Variants in ST6GALNAC5 observed in about 807,000 individuals in gnomAD.
ST6GALNAC5 encodes the protein ST6 N-acetylgalactosaminide alpha-2,6-sialyltransferase 5, also known as alpha-N-acetylgalactosaminide alpha-2,6-sialyltransferase 5.
ST6GALNAC5 carries 27 observed loss-of-function variants against 33.6 expected under a neutral mutation model. The ratio of observed to expected loss-of-function variants is 0.80; its 90% CI spans 0.59 to 1.11. The LOEUF (loss-of-function observed/expected upper bound fraction) is 1.11, where lower values mean the gene tolerates loss of function less well. Among genes scored for constraint, ST6GALNAC5 ranks in the 50% least tolerant of loss-of-function variants. The pLI, the probability that ST6GALNAC5 is intolerant of heterozygous loss-of-function variation, is 0.00. For missense variants in ST6GALNAC5, 428 were observed against 454.0 expected, an observed-to-expected ratio of 0.94 and a Z score of 0.52; for synonymous variants, 194 against 171.2, an observed-to-expected ratio of 1.13 and a Z score of -1.04.
intron 2 of ST6GALNAC5, among the ~76,000 whole-genome samples, chr1:76,899,405 G>A (rs1646793115): frequency 6.6e-6 from 1 of 152,024 alleles, no homozygotes; most frequent in Admixed American, 6.6e-5. Context: ...AAGAGGTCAG[G>A]GCATGGAAAT....
Position 77,037,507 on chromosome 1 carries a change from C to A in ST6GALNAC5, c.262-6697C>A, listed in dbSNP as rs12046470. On this transcript the variant is annotated intron_variant, in intron 2 of 4. Transcript: ENST00000477717. Reference sequence around the variant, plus strand: ...TCAAAACTCAGTATCACACATTATACCCATGTAACAAATCTGCATGTGTAC... The same window carrying A: ...TCAAAACTCAGTATCACACATTATAACCATGTAACAAATCTGCATGTGTAC... Among the ~76,000 whole-genome samples the A allele has an allele frequency of 4.4e-4, 67 of 152,092 alleles. 1 individual carries two copies. The East Asian group carries it at 0.012, about 26-fold the overall frequency.
intron 2 of ST6GALNAC5, among the ~76,000 whole-genome samples, chr1:77,030,508 T>C (rs1036414858): frequency 8.5e-5 from 13 of 152,206 alleles, no homozygotes; most frequent in Admixed American, 7.2e-4. Flanking sequence ...GTTTTTATTG[T>C]CGTCGTCAAT....
chr1:76,904,748 C>G (rs1646849558), intron 2 of ST6GALNAC5, among the ~76,000 whole-genome samples: 2 of 151,966 alleles, frequency 1.3e-5, no homozygotes, highest in South Asian at 4.2e-4. Flanking sequence ...TCACTTGAAC[C>G]TGGGAGGCAG....
intron 3 of ST6GALNAC5, among the ~76,000 whole-genome samples, chr1:77,047,139 A>G (rs1407247812): frequency 5.9e-5 from 9 of 152,162 alleles, no homozygotes; most frequent in Non-Finnish European, 1.2e-4. Context: ...GTCCCTACTC[A>G]GGGGAATCAC....
chr1:76,889,253 C>T (rs1653963900), intron 2 of ST6GALNAC5, among the ~76,000 whole-genome samples: 1 of 152,006 alleles, frequency 6.6e-6, no homozygotes, highest in Non-Finnish European at 1.5e-5. Context: ...TAGTCTTCTT[C>T]TATTAAGCCT....
chr1:76,915,993 T>C (rs1404855597), intron 2 of ST6GALNAC5, among the ~76,000 whole-genome samples: 1 of 151,680 alleles, frequency 6.6e-6, no homozygotes, highest in African/African-American at 2.4e-5. Context: ...AAGGTAACAG[T>C]GATCTGGCCA....
chr1:76,956,295 A>T (rs1038882582), intron 2 of ST6GALNAC5, among the ~76,000 whole-genome samples: 2 of 152,062 alleles, frequency 1.3e-5, no homozygotes, highest in Non-Finnish European at 2.9e-5. Flanking sequence ...AAAAGAAAAG[A>T]AAGCATAGGT....
intron 2 of ST6GALNAC5, among the ~76,000 whole-genome samples, chr1:76,921,730 T>G (rs182291845): frequency 1.6e-4 from 25 of 152,218 alleles, no homozygotes; most frequent in African/African-American, 5.8e-4. Flanking sequence ...TGAAAGTCAA[T>G]AAATCATTAA....
rs572707678 is a variant in ST6GALNAC5 at position 76,922,802 on chromosome 1, G to C, written c.261+54060G>C. 9.2e-5 allele frequency among the ~76,000 whole-genome samples: 14 copies of C among 152,108 alleles called. No individual in the cohort carries two copies. In the South Asian group the frequency reaches 2.5e-3, roughly 27 times the overall value. On this transcript the variant is annotated intron_variant, in intron 2 of 4. Transcript: ENST00000477717. ...AATACAAAAATGAGCTGGGTATGGTGACACGCACCTGTGGTCCCAGCTACT... is the reference window on the plus strand; with the variant it reads ...AATACAAAAATGAGCTGGGTATGGTCACACGCACCTGTGGTCCCAGCTACT...
At chr1:77,051,909 T>C (rs1052479421) in intron 4 of ST6GALNAC5, among the ~76,000 whole-genome samples, 1 of 152,166 alleles carries the variant, frequency 6.6e-6, no homozygotes, top group African/African-American at 2.4e-5. Flanking sequence ...AATTGAAATG[T>C]TAATGACTTC....
At chr1:76,978,467 TCA>T (rs1189822256) in intron 2 of ST6GALNAC5, among the ~76,000 whole-genome samples, 1 of 152,200 alleles carries the variant, frequency 6.6e-6, no homozygotes, top group African/African-American at 2.4e-5. Flanking sequence ...CAAGGATGGT[TCA>T]ATATATGGAA....
chr1:77,000,280 A>G (rs1449602838), intron 2 of ST6GALNAC5, among the ~76,000 whole-genome samples: 2 of 119,318 alleles, frequency 1.7e-5, no homozygotes, highest in African/African-American at 2.6e-5. Context: ...TTGGCTGCAT[A>G]AATGTCTTCT....
chr1:76,987,919 C>A (rs1476881458), intron 2 of ST6GALNAC5, among the ~76,000 whole-genome samples: 1 of 152,078 alleles, frequency 6.6e-6, no homozygotes, highest in East Asian at 1.9e-4. Context: ...GTCTAGATCT[C>A]TAGTAAAGCC....
rs376683381 is a variant in ST6GALNAC5, at chr1:76,868,493, G to A, written c.16-4G>A. ...CTCCTCTTCTCTCTCCCGCCCGCCC[G>A]CAGCGCCATGGTCTGGCAGTGTGTT... is the stretch of plus-strand genomic sequence containing the variant. On this transcript the variant is annotated splice_polypyrimidine_tract_variant and splice_region_variant and intron_variant, in intron 1 of 4. Coordinates refer to ENST00000477717, the MANE Select transcript of ST6GALNAC5 (RefSeq NM_030965.3). This position sits in a 1 kb window ranked among gnomAD's most constrained non-coding sequence, Gnocchi z 4.3. 11 of 1,599,262 alleles carry A rather than the reference G, an allele frequency of 6.9e-6. No individual in the cohort carries two copies. The African/African-American group carries it at 8.1e-5, about 12-fold the overall frequency.
At chr1:76,967,869 A>G (rs1276847881) in intron 2 of ST6GALNAC5, among the ~76,000 whole-genome samples, 1 of 152,140 alleles carries the variant, frequency 6.6e-6, no homozygotes, top group Admixed American at 6.5e-5. Flanking sequence ...CAGGTTGTTC[A>G]GTTTCCATGT....
At chr1:76,867,805 T>G (rs1419700848) in intron 1 of ST6GALNAC5, 115 bp downstream of exon 1, 6 of 1,469,414 alleles carry the variant, frequency 4.1e-6, no homozygotes, top group Non-Finnish European at 5.7e-6. Flanking sequence ...AGGTCGCCTG[T>G]TACAAAGGGA....
intron 2 of ST6GALNAC5, among the ~76,000 whole-genome samples, chr1:76,952,240 G>A (rs1364244166): frequency 6.6e-6 from 1 of 152,080 alleles, no homozygotes; most frequent in Non-Finnish European, 1.5e-5. Context: ...TGAATGCAGA[G>A]CTGGAAAGAG....
intron 2 of ST6GALNAC5, among the ~76,000 whole-genome samples, chr1:76,897,527 G>A (rs568293608): frequency 1.1e-4 from 16 of 152,194 alleles, no homozygotes; most frequent in Admixed American, 8.5e-4. Context: ...GGCATTAATC[G>A]GGGTAAAGGT....
At chr1:77,056,990 G>A (rs1319318955) in intron 4 of ST6GALNAC5, among the ~76,000 whole-genome samples, 1 of 152,174 alleles carries the variant, frequency 6.6e-6, no homozygotes, top group East Asian at 1.9e-4. Flanking sequence ...CTGCAGGAAT[G>A]TTTTCTTCTC....
Sources: allele counts gnomAD v4.1 joint callset (sites outside exome capture counted in the v4.1 genomes callset), GRCh38; gene constraint gnomAD v4.1.1; non-coding constraint Gnocchi (gnomAD v3.1); transcripts MANE v1.5; gene names NCBI Gene and HGNC (gene_info 2026-07-23, HGNC 2026-07-21).